COLEC12: variants seen among roughly 807,000 people sequenced by gnomAD.
COLEC12 encodes the protein collectin subfamily member 12.
A neutral mutation model predicts 71.1 loss-of-function variants in COLEC12; 33 were observed. The observed-to-expected ratio is 0.46, with a 90% CI of 0.35 to 0.62. The LOEUF (loss-of-function observed/expected upper bound fraction) is 0.62. Ranked by LOEUF, COLEC12 falls within the 20% of genes least tolerant of loss-of-function variation. The pLI is 0.00. For missense variants in COLEC12, 765 were observed against 916.1 expected, an observed-to-expected ratio of 0.84 and a Z score of 2.13; for synonymous variants, 350 against 353.0, an observed-to-expected ratio of 0.99 and a Z score of 0.10.
chr18:408,805 T>C lies in COLEC12; in HGVS notation c.59-51283A>G, dbSNP rs1915836331. 6.6e-6 allele frequency among the ~76,000 whole-genome samples: 1 copy of C among 152,142 alleles called. No homozygotes were observed. The highest frequency in any genetic ancestry group is 6.5e-5 in the Admixed American group (1 of 15,280). ...ATTGAACTGCCTAATTCAGAAATGA[T>C]TGTGTACCATACTTATTTAATTTTT... On this transcript the variant is annotated intron_variant, in intron 2 of 9. Coordinates refer to ENST00000400256, the MANE Select transcript of COLEC12 (RefSeq NM_130386.3). The surrounding 1 kb of genome is among the most constrained non-coding windows in gnomAD (Gnocchi z 4.3).
At position 318,977 on chromosome 18, in the gene COLEC12, G is replaced by A. The variant is rs1913620442; in HGVS notation, c.*1068C>T. The A allele has an allele frequency of 6.6e-6, 1 of 152,104 alleles. No individual in the cohort carries two copies. Among genetic ancestry groups the A allele is most frequent in the Non-Finnish European group, 1.5e-5 (1 of 68,048 alleles). 9.4% of individuals were successfully genotyped at this position (152,104 alleles called of 1,614,324 possible). ...GGCTGATGTGACGCCATACGTTCCT[G>A]ACAGTTAATGTTGGCTCTGTAGGGA... is the stretch of plus-strand genomic sequence containing the variant. On this transcript the variant is annotated 3_prime_UTR_variant, in exon 10 of 10. Transcript: ENST00000400256.
intron 1 of COLEC12, among the ~76,000 whole-genome samples, chr18:494,027 A>G (rs748610622): frequency 6.6e-6 from 1 of 152,212 alleles, no homozygotes; most frequent in East Asian, 1.9e-4. Flanking sequence ...AAATATACTT[A>G]CACATATTTA....
At chr18:405,541 G>A (rs1019684440) in intron 2 of COLEC12, among the ~76,000 whole-genome samples, 7 of 152,136 alleles carry the variant, frequency 4.6e-5, no homozygotes, top group Non-Finnish European at 7.3e-5. Flanking sequence ...TCAGCCGGCT[G>A]ACACTTATAG....
At chr18:338,929 G>A (rs1914179786) in intron 5 of COLEC12, among the ~76,000 whole-genome samples, 1 of 151,714 alleles carries the variant, frequency 6.6e-6, no homozygotes, top group Non-Finnish European at 1.5e-5. Context: ...TAATGAAGAT[G>A]GCATATTGGG....
chr18:433,098 C>T (rs1916337130), intron 2 of COLEC12, among the ~76,000 whole-genome samples: 1 of 152,178 alleles, frequency 6.6e-6, no homozygotes, highest in Non-Finnish European at 1.5e-5. Flanking sequence ...ATTTAACATT[C>T]AGTTCTGCCT....
chr18:349,022 A>C (rs189219484), intron 3 of COLEC12, among the ~76,000 whole-genome samples: 11 of 152,274 alleles, frequency 7.2e-5, no homozygotes, highest in South Asian at 2.1e-4. Flanking sequence ...ACAAGATCTG[A>C]TGGTCTTATC....
intron 1 of COLEC12, among the ~76,000 whole-genome samples, chr18:498,377 T>TTTTTTTTTTTTTTTTTTTTTTTTTG (rs1178071975): frequency 7.2e-6 from 1 of 138,252 alleles, no homozygotes; most frequent in African/African-American, 2.9e-5. Context: ...TTTTTTTTTT[T>TTTTTTTTTTTTTTTTTTTTTTTTTG]AGACGGAGTC....
At chr18:384,559 A>AACTC (rs1915302580) in intron 2 of COLEC12, among the ~76,000 whole-genome samples, 1 of 152,160 alleles carries the variant, frequency 6.6e-6, no homozygotes, top group South Asian at 2.1e-4. Context: ...CTAAAAAGAG[A>AACTC]ACTCTTTGAG....
chr18:500,584 C>G lies in COLEC12; in HGVS notation c.-70G>C, dbSNP rs1390266958. The G allele has an allele frequency of 8.4e-7, 1 of 1,191,388 alleles. No individual in the cohort carries two copies. Among genetic ancestry groups the G allele is most frequent in the Non-Finnish European group, 1.0e-6 (1 of 958,504 alleles). 73.8% of individuals were successfully genotyped at this position (1,191,388 alleles called of 1,614,324 possible). A position where few individuals can be genotyped will look rare whatever the true frequency, so the allele number is the denominator to read the frequency against. Reference sequence around the variant, plus strand: ...CGCCGCGCAGCCGAGGAAGTCGTCCCGAGCGGCTGCTCACCGCACGCCCAT... The same window carrying G: ...CGCCGCGCAGCCGAGGAAGTCGTCCGGAGCGGCTGCTCACCGCACGCCCAT... On this transcript the variant is annotated 5_prime_UTR_variant, in exon 1 of 10. Transcript: ENST00000400256. The surrounding 1 kb of genome is among the most constrained non-coding windows in gnomAD (Gnocchi z 5.3).
intron 5 of COLEC12, among the ~76,000 whole-genome samples, chr18:340,882 G>GA (rs1487139705): frequency 4.6e-5 from 7 of 152,256 alleles, no homozygotes; most frequent in Admixed American, 1.3e-4. Context: ...GAAAGCCTTG[G>GA]AAGCACCTTG....
At chr18:421,924 G>T (rs1260263927) in intron 2 of COLEC12, among the ~76,000 whole-genome samples, 2 of 152,174 alleles carry the variant, frequency 1.3e-5, no homozygotes, top group Non-Finnish European at 2.9e-5. Context: ...ATTAATCTTT[G>T]GATACCAATC....
intron 2 of COLEC12, among the ~76,000 whole-genome samples, chr18:394,359 G>A (rs1327323284): frequency 6.6e-6 from 1 of 152,244 alleles, no homozygotes; most frequent in Non-Finnish European, 1.5e-5. Context: ...TAACCCCAGA[G>A]GGGGCTGGAA....
chr18:475,266 G>A (rs527647734), intron 2 of COLEC12, among the ~76,000 whole-genome samples: 16 of 152,156 alleles, frequency 1.1e-4, no homozygotes, highest in African/African-American at 3.6e-4. Context: ...GCCTCACTTA[G>A]AAATGTTTGG....
chr18:348,859 C>T (rs1423135184), intron 3 of COLEC12, among the ~76,000 whole-genome samples: 1 of 152,068 alleles, frequency 6.6e-6, no homozygotes. Flanking sequence ...GAAAGTAATG[C>T]CACTGATAGG....
chr18:330,873 G>T (rs1180302180), intron 8 of COLEC12, among the ~76,000 whole-genome samples: 1 of 133,756 alleles, frequency 7.5e-6, no homozygotes, highest in Non-Finnish European at 1.5e-5. Context: ...CACATTTGTA[G>T]TTTTTTTTTT....
Position 342,193 on chromosome 18 carries a change from G to T in COLEC12, c.1327+4102C>A, listed in dbSNP as rs554461639. Among the ~76,000 whole-genome samples the T allele has an allele frequency of 2.5e-3, 382 of 152,292 alleles. 1 individual carries two copies. The highest frequency in any genetic ancestry group is 4.4e-3 in the Non-Finnish European group (299 of 68,018). On this transcript the variant is annotated intron_variant, in intron 5 of 9. Coordinates refer to ENST00000400256, the MANE Select transcript of COLEC12 (RefSeq NM_130386.3). ...CTGCCTCAGCCTCCCAAGTAGCTGG[G>T]ATTACGGGCATGTGCCACCACGCCC...
intron 3 of COLEC12, among the ~76,000 whole-genome samples, chr18:349,625 A>G (rs529682511): frequency 6.6e-6 from 1 of 152,292 alleles, no homozygotes; most frequent in East Asian, 1.9e-4. Flanking sequence ...TCACCTGGAA[A>G]AGCCACAGAT....
At chr18:329,656 C>A (rs368468491) in intron 8 of COLEC12, among the ~76,000 whole-genome samples, 1 of 152,352 alleles carries the variant, frequency 6.6e-6, no homozygotes, top group African/African-American at 2.4e-5. Context: ...GAGGAGCCGA[C>A]GAGTCTCTGA....
intron 3 of COLEC12, among the ~76,000 whole-genome samples, chr18:350,439 A>G (rs566963781): frequency 3.5e-4 from 54 of 152,274 alleles, no homozygotes; most frequent in South Asian, 1.5e-3. Context: ...ACGGACTAAT[A>G]CAGCCACACT....
Sources: allele counts gnomAD v4.1 joint callset (sites outside exome capture counted in the v4.1 genomes callset), GRCh38; gene constraint gnomAD v4.1.1; non-coding constraint Gnocchi (gnomAD v3.1); transcripts MANE v1.5; gene names NCBI Gene and HGNC (gene_info 2026-07-23, HGNC 2026-07-21).